Variants in CACNA1C observed in about 807,000 individuals in gnomAD.
CACNA1C encodes the protein calcium voltage-gated channel subunit alpha1 C, also known as voltage-dependent L-type calcium channel subunit alpha-1C.
In CACNA1C, 30 loss-of-function variants were observed where a neutral mutation model predicts 229.0. The ratio of observed to expected loss-of-function variants is 0.13; its 90% CI spans 0.10 to 0.18. The LOEUF (loss-of-function observed/expected upper bound fraction) is 0.18. CACNA1C is among the 10% of genes least tolerant of loss of function. The probability of loss-of-function intolerance (pLI) is 1.00; values close to 1 mark genes in which losing one functional copy is unlikely to be tolerated. For missense variants in CACNA1C, 1,658 were observed against 2,845.0 expected, an observed-to-expected ratio of 0.58 and a Z score of 9.49; for synonymous variants, 1,114 against 1,132.5, an observed-to-expected ratio of 0.98 and a Z score of 0.33.
In CACNA1C at chr12:2,597,587, ACTCT is replaced by A. The variant is rs2069002723; in HGVS notation, c.2853+303_2853+306del. 1.8e-5 allele frequency: 16 copies of A among 898,770 alleles called. No homozygotes were observed. The South Asian group carries it at 2.2e-4, about 12-fold the overall frequency. The allele number at this position is 898,770 out of a possible 1,614,324, so 55.7% of individuals were successfully genotyped here. A position where few individuals can be genotyped will look rare whatever the true frequency, so the allele number is the denominator to read the frequency against. ...ATCTTTTGTCTTTTCTGTTTCTTTC[ACTCT>A]CTCTTTTCTTTACTCCCAAGCCTGA... On this transcript the variant is annotated intron_variant, in intron 21 of 46. Coordinates refer to ENST00000399655, the MANE Select transcript of CACNA1C (RefSeq NM_000719.7). The surrounding 1 kb of genome is among the most constrained non-coding windows in gnomAD (Gnocchi z 4.3).
intron 1 of CACNA1C, among the ~76,000 whole-genome samples, chr12:2,085,843 G>A (rs1462849951): frequency 6.6e-6 from 1 of 152,120 alleles, no homozygotes; most frequent in African/African-American, 2.4e-5. Context: ...ACTGTTCTCA[G>A]CTTTTACTGT....
At chr12:2,440,699 A>T (rs1283637962) in intron 3 of CACNA1C, among the ~76,000 whole-genome samples, 22 of 152,154 alleles carry the variant, frequency 1.4e-4, no homozygotes, top group Admixed American at 1.4e-3. Flanking sequence ...CAGCAGAAGG[A>T]ATGTCAGACC....
intron 3 of CACNA1C, among the ~76,000 whole-genome samples, chr12:2,370,902 C>T (rs1454102309): frequency 6.6e-6 from 1 of 152,142 alleles, no homozygotes; most frequent in African/African-American, 2.4e-5. Context: ...TCCCTATGCT[C>T]TGTACAGTCA....
intron 3 of CACNA1C, among the ~76,000 whole-genome samples, chr12:2,255,418 A>G (rs967327769): frequency 2.6e-5 from 4 of 152,078 alleles, no homozygotes; most frequent in Non-Finnish European, 5.9e-5. Flanking sequence ...TCCATTTACT[A>G]ATGTCCTTGC....
At chr12:2,558,055 A>C (rs1014139573) in intron 11 of CACNA1C, among the ~76,000 whole-genome samples, 1 of 152,174 alleles carries the variant, frequency 6.6e-6, no homozygotes, top group African/African-American at 2.4e-5. Context: ...GCATAGAGAA[A>C]TTTTTATCCA....
chr12:2,176,818 A>G (rs3794299), intron 3 of CACNA1C, among the ~76,000 whole-genome samples: 17,212 of 152,178 alleles, frequency 0.11, 1,266 homozygotes, highest in East Asian at 0.24. Context: ...CACGAGGACA[A>G]TGCTATCACT....
chr12:2,136,881 C>G (rs1347532307), intron 3 of CACNA1C, among the ~76,000 whole-genome samples: 1 of 151,274 alleles, frequency 6.6e-6, no homozygotes, highest in African/African-American at 2.4e-5. Context: ...GTGAGGGAAC[C>G]CAGAATCAGC....
chr12:2,090,527 A>G (rs921652444), intron 1 of CACNA1C, among the ~76,000 whole-genome samples: 18 of 152,068 alleles, frequency 1.2e-4, no homozygotes, highest in Admixed American at 1.0e-3. Context: ...CATGTTGGCC[A>G]GGCTGGTCTT....
At chr12:2,683,845 G>A (rs1436266548) in intron 43 of CACNA1C, among the ~76,000 whole-genome samples, 1 of 152,236 alleles carries the variant, frequency 6.6e-6, no homozygotes, top group African/African-American at 2.4e-5. Flanking sequence ...GGCCAGGCAC[G>A]ATGCAGGGTG....
At chr12:2,499,909 C>G (rs2099755175) in intron 7 of CACNA1C, among the ~76,000 whole-genome samples, 1 of 152,142 alleles carries the variant, frequency 6.6e-6, no homozygotes, top group African/African-American at 2.4e-5. Context: ...TACTTCAGAG[C>G]CACCCAGCTT....
intron 3 of CACNA1C, among the ~76,000 whole-genome samples, chr12:2,194,163 TCTC>T (rs966477655): frequency 2.8e-5 from 4 of 145,120 alleles, no homozygotes; most frequent in African/African-American, 5.2e-5. Context: ...TCCTAGTGCT[TCTC>T]CTCCTGTTCC....
intron 43 of CACNA1C, among the ~76,000 whole-genome samples, chr12:2,683,179 C>A (rs965675115): frequency 2.6e-5 from 4 of 152,144 alleles, no homozygotes; most frequent in African/African-American, 9.7e-5. Flanking sequence ...AGTTCTAGAT[C>A]CTTTAGAAGG....
intron 3 of CACNA1C, among the ~76,000 whole-genome samples, chr12:2,380,137 ACT>A (rs1276478266): frequency 6.6e-6 from 1 of 151,466 alleles, no homozygotes; most frequent in South Asian, 2.1e-4. Flanking sequence ...CGTGTTCAAC[ACT>A]CTGCCCAAGT....
At chr12:2,412,202 C>T (rs528124654) in intron 3 of CACNA1C, among the ~76,000 whole-genome samples, 15 of 152,310 alleles carry the variant, frequency 9.8e-5, no homozygotes, top group South Asian at 2.1e-4. Context: ...CACTGCAGGA[C>T]GCCCAGGATA....
intron 3 of CACNA1C, among the ~76,000 whole-genome samples, chr12:2,264,327 G>GAT (rs1180215199): frequency 6.6e-6 from 1 of 152,252 alleles, no homozygotes; most frequent in Non-Finnish European, 1.5e-5. Context: ...CCTGTCTTCA[G>GAT]ATAACCACAG....
chr12:2,438,396 T>C (rs1446089051), intron 3 of CACNA1C, among the ~76,000 whole-genome samples: 1 of 107,268 alleles, frequency 9.3e-6, no homozygotes, highest in African/African-American at 3.3e-5. Context: ...ATGGTAGTCA[T>C]GGTGGTGGTG....
chr12:2,164,885 G>A (rs10848622), intron 3 of CACNA1C, among the ~76,000 whole-genome samples: 81,992 of 152,100 alleles, frequency 0.54, 23,631 homozygotes, highest in African/African-American at 0.75. Flanking sequence ...AATGGTGGCA[G>A]TCATCGTCAT....
chr12:2,651,486 G>A lies in CACNA1C; in HGVS notation c.3946-154G>A, dbSNP rs956933550. On this transcript the variant is annotated intron_variant, in intron 31 of 46. Coordinates refer to ENST00000399655, the MANE Select transcript of CACNA1C (RefSeq NM_000719.7). This position sits in a 1 kb window ranked among gnomAD's most constrained non-coding sequence, Gnocchi z 5.4. ...GGGCTGTCCACTCATTAAAGTGGGCGGCCGCCCTCCCATCGGAGGGGGAAG... is the reference window on the plus strand; with the variant it reads ...GGGCTGTCCACTCATTAAAGTGGGCAGCCGCCCTCCCATCGGAGGGGGAAG... 48 of 1,077,100 alleles carry A rather than the reference G, an allele frequency of 4.5e-5. No individual in the cohort carries two copies. The highest frequency in any genetic ancestry group is 4.7e-5 in the African/African-American group (3 of 64,504). 66.7% of individuals were successfully genotyped at this position (1,077,100 alleles called of 1,614,324 possible). A position where few individuals can be genotyped will look rare whatever the true frequency, so the allele number is the denominator to read the frequency against.
intron 34 of CACNA1C, among the ~76,000 whole-genome samples, chr12:2,662,464 G>A (rs563994372): frequency 6.6e-6 from 1 of 152,244 alleles, no homozygotes. Context: ...AAAATATAAT[G>A]TTGAAACTAT....
Sources: gnomAD v4.1 joint callset for allele counts (sites outside exome capture counted in the v4.1 genomes callset) on GRCh38, gnomAD v4.1.1 for gene constraint, Gnocchi (gnomAD v3.1) non-coding constraint, MANE v1.5 for transcripts, NCBI Gene and HGNC (gene_info 2026-07-23, HGNC 2026-07-21) for gene names.